The following DENND5B variants were observed in gnomAD, a reference collection of about 807,000 sequenced individuals.
DENND5B encodes DENN domain-containing protein 5B.
DENND5B carries 34 observed loss-of-function variants against 140.6 expected under a neutral mutation model. The ratio of observed to expected loss-of-function variants is 0.24; its 90% CI spans 0.18 to 0.32. The LOEUF (loss-of-function observed/expected upper bound fraction) is 0.32. Among genes scored for constraint, DENND5B ranks in the 10% least tolerant of loss-of-function variants. DENND5B has a pLI of 1.00. For missense variants in DENND5B, 1,142 were observed against 1,560.2 expected, an observed-to-expected ratio of 0.73 and a Z score of 4.52; for synonymous variants, 551 against 562.1, an observed-to-expected ratio of 0.98 and a Z score of 0.28.
chr12:31,480,018 C>T lies in DENND5B; in HGVS notation c.475G>A (p.Ala159Thr). Reference protein sequence around the residue: ...ASSSCSMDSLASSLDEGDTTS... With the variant: ...ASSSCSMDSLTSSLDEGDTTS... ...GTATCTCCTTCATCAAGACTACTTG[C>T]CAATGAGTCCATACTGCAGGAAGAT... Residue 159 changes from alanine (A) to threonine (T), a missense_variant, in exon 3 of 21, where the codon GCA (alanine) becomes ACA (threonine). By Grantham distance (58) the Ala-to-Thr change is moderately conservative. Around this residue, in one of 5 missense-constraint regions of DENND5B, gnomAD observed 708 missense variants for 905.5 expected, o/e 0.78. Coordinates refer to ENST00000389082, the MANE Select transcript of DENND5B (RefSeq NM_144973.4). 4 of 1,613,986 alleles carry T rather than the reference C, an allele frequency of 2.5e-6. No individual in the cohort carries two copies. The highest frequency in any genetic ancestry group is 3.4e-6 in the Non-Finnish European group (4 of 1,179,878).
rs1249896133 is a variant in DENND5B, at chr12:31,545,927, G to C, written c.127+44779C>G. Among the ~76,000 whole-genome samples the C allele has an allele frequency of 5.8e-5, 6 of 104,144 alleles. 1 individual carries two copies. Among genetic ancestry groups the C allele is most frequent in the African/African-American group, 2.3e-4 (6 of 25,662 alleles). 68.3% of individuals were successfully genotyped at this position (104,144 alleles called of 152,430 possible). ...GATCACAACACTGCACTCCAGTATG[G>C]GTGAGAGAGTAAGACACTGTCTCAA... On this transcript the variant is annotated intron_variant, in intron 1 of 20. Transcript: ENST00000389082.
chr12:31,500,677 CAAAAAAAAAA>C (rs58877023), intron 1 of DENND5B: 75 of 90,576 alleles, frequency 8.3e-4, no homozygotes, highest in Middle Eastern at 6.3e-3. Context: ...GAGACTGTCA[CAAAAAAAAAA>C]AAAAAAAAAA....
intron 16 of DENND5B, among the ~76,000 whole-genome samples, chr12:31,399,337 G>A (rs1177442810): frequency 4.9e-5 from 7 of 143,192 alleles, no homozygotes; most frequent in African/African-American, 1.3e-4. Flanking sequence ...GGAGTGCAAC[G>A]GTGCAATCTC....
chr12:31,446,635 G>A (rs1255004835), intron 6 of DENND5B, among the ~76,000 whole-genome samples: 2 of 151,998 alleles, frequency 1.3e-5, no homozygotes, highest in Non-Finnish European at 2.9e-5. Context: ...AGTGGCTCAC[G>A]CCTGTAATCC....
chr12:31,426,743 G>A, intron 8 of DENND5B: 1 of 231,230 alleles, frequency 4.3e-6, no homozygotes, highest in South Asian at 5.9e-5. Flanking sequence ...GACTGTGGTT[G>A]GGACAAAAAA....
intron 2 of DENND5B, among the ~76,000 whole-genome samples, chr12:31,485,179 A>G (rs141636036): frequency 2.0e-5 from 3 of 152,324 alleles, no homozygotes; most frequent in East Asian, 1.9e-4. Context: ...AAAGGGCCCA[A>G]TTCTTTTCCA....
In DENND5B at chr12:31,479,141, G is replaced by A. The variant is rs367654865; in HGVS notation, c.904+448C>T. The stretch of plus-strand genomic sequence containing the variant: ...CCAAAGTTGATTGCCTCAGGAAGCT[G>A]CAGAGTCAACAATTTCATTTATCCC... On this transcript the variant is annotated intron_variant, in intron 3 of 20. Coordinates refer to ENST00000389082, the MANE Select transcript of DENND5B (RefSeq NM_144973.4). Among the ~76,000 whole-genome samples, 18 of 152,330 alleles carry A rather than the reference G, an allele frequency of 1.2e-4. No homozygotes were observed. In the East Asian group the frequency reaches 3.5e-3, roughly 29 times the overall value.
chr12:31,493,431 C>T (rs972801086), intron 2 of DENND5B, among the ~76,000 whole-genome samples: 2 of 152,164 alleles, frequency 1.3e-5, no homozygotes, highest in African/African-American at 2.4e-5. Flanking sequence ...CAGTGGCTAA[C>T]GCCTGTAATC....
chr12:31,456,167 T>C (rs1944766703), intron 4 of DENND5B, among the ~76,000 whole-genome samples: 1 of 151,996 alleles, frequency 6.6e-6, no homozygotes, highest in African/African-American at 2.4e-5. Flanking sequence ...CCATCTCTAG[T>C]GCAAATACAA....
intron 11 of DENND5B, among the ~76,000 whole-genome samples, chr12:31,422,936 T>G (rs1197547011): frequency 6.6e-6 from 1 of 150,422 alleles, no homozygotes; most frequent in Non-Finnish European, 1.5e-5. Context: ...ATGATGGTTA[T>G]AAAAACTTTT....
intron 1 of DENND5B, among the ~76,000 whole-genome samples, chr12:31,526,410 T>C (rs972912414): frequency 6.6e-6 from 1 of 152,200 alleles, no homozygotes; most frequent in Non-Finnish European, 1.5e-5. Context: ...CCAGAAAACA[T>C]GTCAAATCCT....
intron 14 of DENND5B, among the ~76,000 whole-genome samples, chr12:31,405,429 G>T (rs139991702): frequency 0.01 from 1,533 of 151,692 alleles, 12 homozygotes; most frequent in Middle Eastern, 0.055. Context: ...TGTTGCCCAG[G>T]CTGGTCTCAA....
At chr12:31,589,008 G>T (rs568922269) in intron 1 of DENND5B, among the ~76,000 whole-genome samples, 58 of 152,312 alleles carry the variant, frequency 3.8e-4, no homozygotes, top group Middle Eastern at 3.4e-3. Flanking sequence ...AAGTCTAATT[G>T]ATGGTTTTGT....
chr12:31,554,802 T>A (rs1348500823), intron 1 of DENND5B, among the ~76,000 whole-genome samples: 1 of 152,210 alleles, frequency 6.6e-6, no homozygotes, highest in Non-Finnish European at 1.5e-5. Context: ...CTTCACTTCA[T>A]TCATTTCGTC....
Position 31,385,898 on chromosome 12 carries a change from A to G in DENND5B, c.*1705T>C, listed in dbSNP as rs750303427. Reference sequence around the variant, plus strand: ...TCACGGTGTTAGCCAGGAGGGTCTCAATCTCCTGACCTTGTGATCCGCCTG... The same window carrying G: ...TCACGGTGTTAGCCAGGAGGGTCTCGATCTCCTGACCTTGTGATCCGCCTG... On this transcript the variant is annotated 3_prime_UTR_variant, in exon 21 of 21. Transcript: ENST00000389082. The G allele has an allele frequency of 6.6e-6, 1 of 152,270 alleles. No homozygotes were observed. The highest frequency in any genetic ancestry group is 2.4e-5 in the African/African-American group (1 of 41,410). The allele number at this position is 152,270 out of a possible 1,614,324, so 9.4% of individuals were successfully genotyped here.
intron 1 of DENND5B, chr12:31,506,327 G>A (rs1036825755): frequency 6.6e-6 from 1 of 152,048 alleles, no homozygotes; most frequent in Non-Finnish European, 1.5e-5. Context: ...GTGAAGCAGT[G>A]GGAGTGGAGA....
At chr12:31,434,092 T>C (rs1372795354) in intron 7 of DENND5B, among the ~76,000 whole-genome samples, 1 of 152,232 alleles carries the variant, frequency 6.6e-6, no homozygotes, top group African/African-American at 2.4e-5. Flanking sequence ...TGCTCTAAAA[T>C]TTCATGACTG....
chr12:31,479,913 A>T lies in DENND5B; in HGVS notation c.580T>A (p.Leu194Met), dbSNP rs1305732354. The T allele has an allele frequency of 4.3e-6, 7 of 1,613,878 alleles. No individual in the cohort carries two copies. The South Asian group carries it at 7.7e-5, about 18-fold the overall frequency. The change falls in exon 3 of 21, where the codon TTG (leucine) becomes ATG (methionine). Residue 194 changes from leucine to methionine, a missense_variant. This residue lies in a region of DENND5B where 708 missense variants were observed against 905.5 expected (regional missense o/e 0.78). Coordinates refer to ENST00000389082, the MANE Select transcript of DENND5B (RefSeq NM_144973.4). ...DTLYVSKSICLITPLPFMQAC... is the reference protein window; with the variant it reads ...DTLYVSKSICMITPLPFMQAC... ...TGCATGAATGGTAACGGTGTGATCA[A>T]GCATATACTTTTTGAAACATACAGG...
At chr12:31,403,588 G>A (rs530967893) in intron 14 of DENND5B, among the ~76,000 whole-genome samples, 166 of 113,654 alleles carry the variant, frequency 1.5e-3, no homozygotes, top group African/African-American at 5.1e-3. Flanking sequence ...GTGAGACTCT[G>A]CCTCAGAAAA....
Sources: allele counts gnomAD v4.1 joint callset (sites outside exome capture counted in the v4.1 genomes callset), GRCh38; gene constraint gnomAD v4.1.1; regional missense constraint gnomAD v4.1.1; transcripts MANE v1.5; gene names NCBI Gene and HGNC (gene_info 2026-07-23, HGNC 2026-07-21).